Variants in MTA3 observed in about 807,000 individuals in gnomAD.
MTA3 encodes the protein metastasis-associated protein MTA3.
MTA3 carries 34 observed loss-of-function variants against 83.5 expected under a neutral mutation model. The observed-to-expected ratio is 0.41, with a 90% CI of 0.31 to 0.54. The LOEUF (loss-of-function observed/expected upper bound fraction) is 0.54. MTA3 is among the 20% of genes least tolerant of loss of function. The pLI is 0.33. For missense variants in MTA3, 761 were observed against 726.4 expected (o/e 1.05, Z -0.55); for synonymous variants, 303 against 252.7 (o/e 1.20, Z -1.89).
At chr2:42,579,283 G>A (rs1679360847) in intron 3 of MTA3, 83 bp downstream of exon 3, 2 of 982,474 alleles carry the variant, frequency 2.0e-6, no homozygotes, top group Non-Finnish European at 3.0e-6. Context: ...TTTCTTACCT[G>A]AAGTCTTTTG....
chr2:42,532,820 C>A (rs962403356), intron 2 of MTA3: 6 of 410,564 alleles, frequency 1.5e-5, no homozygotes, highest in Non-Finnish European at 2.4e-5. Flanking sequence ...CATTGGTTCT[C>A]TCACAGTGTG....
chr2:42,628,172 G>A (rs1051793711), intron 4 of MTA3, among the ~76,000 whole-genome samples: 4 of 151,802 alleles, frequency 2.6e-5, no homozygotes, highest in Non-Finnish European at 4.4e-5. Context: ...TTGAGCCACC[G>A]TGCCCGGCGG....
At chr2:42,674,526 C>T (rs947394421) in intron 8 of MTA3, among the ~76,000 whole-genome samples, 2 of 151,622 alleles carry the variant, frequency 1.3e-5, no homozygotes, top group African/African-American at 2.4e-5. Flanking sequence ...ATTGGTATCT[C>T]TATTGAAAAC....
At chr2:42,696,712 C>T (rs1047384206) in intron 10 of MTA3, among the ~76,000 whole-genome samples, 9 of 151,978 alleles carry the variant, frequency 5.9e-5, no homozygotes, top group African/African-American at 2.2e-4. Flanking sequence ...CATGTCCAGC[C>T]TGGGCAACAT....
intron 3 of MTA3, among the ~76,000 whole-genome samples, chr2:42,608,523 C>A (rs911320432): frequency 2.6e-5 from 4 of 152,172 alleles, no homozygotes; most frequent in African/African-American, 4.8e-5. Flanking sequence ...CTGATACTTA[C>A]TCCATTCATT....
intron 4 of MTA3, among the ~76,000 whole-genome samples, chr2:42,626,757 T>G (rs140224641): frequency 2.0e-5 from 3 of 152,326 alleles, no homozygotes; most frequent in African/African-American, 7.2e-5. Context: ...TTAATTTTTT[T>G]TTAGACAGAG....
chr2:42,582,214 C>T (rs569598239), intron 3 of MTA3, among the ~76,000 whole-genome samples: 117 of 152,238 alleles, frequency 7.7e-4, no homozygotes, highest in Non-Finnish European at 1.2e-3. Flanking sequence ...CCTGCCACCA[C>T]GCCCGGCTAA....
intron 8 of MTA3, among the ~76,000 whole-genome samples, chr2:42,670,634 G>A (rs1179069933): frequency 6.6e-6 from 1 of 151,946 alleles, no homozygotes; most frequent in Non-Finnish European, 1.5e-5. Context: ...CCTTCTGATT[G>A]GTTGCTGTGA....
At chr2:42,744,317 TG>T (rs1669249784) in intron 16 of MTA3, among the ~76,000 whole-genome samples, 1 of 152,200 alleles carries the variant, frequency 6.6e-6, no homozygotes, top group Non-Finnish European at 1.5e-5. Flanking sequence ...GGACCATTCC[TG>T]GGTTTACTAA....
chr2:42,665,396 AAAG>A (rs1223945846), intron 8 of MTA3, among the ~76,000 whole-genome samples: 2 of 10,334 alleles, frequency 1.9e-4, no homozygotes, highest in Non-Finnish European at 1.6e-4. Context: ...CTCTCAAAAA[AAAG>A]AAAGAAAGAA....
At chr2:42,548,500 A>G (rs1265065167) in intron 2 of MTA3, among the ~76,000 whole-genome samples, 2 of 151,128 alleles carry the variant, frequency 1.3e-5, no homozygotes, top group Non-Finnish European at 2.9e-5. Context: ...TAAAATGCAA[A>G]TATTAAATGG....
chr2:42,659,491 C>G, intron 7 of MTA3: 5 of 172,842 alleles, frequency 2.9e-5, no homozygotes, highest in Non-Finnish European at 4.9e-5. Flanking sequence ...TATAACAGAG[C>G]TTCCCTTTCC....
rs1396012648 is a variant in MTA3 at position 42,755,820 on chromosome 2, C to G, written c.*2421C>G. On this transcript the variant is annotated 3_prime_UTR_variant, in exon 17 of 17. Transcript: ENST00000405094. ...ACGTGCAGAGACTGTCTGCGCAGCC[C>G]CCAGCAGACATGCCCCTGGGGTGAG... 1 of 985,416 alleles carries G rather than the reference C, an allele frequency of 1.0e-6. No homozygotes were observed. The highest frequency in any genetic ancestry group is 1.7e-5 in the African/African-American group (1 of 57,238). 61.0% of individuals were successfully genotyped at this position (985,416 alleles called of 1,614,324 possible).
In MTA3 at chr2:42,707,305, G is replaced by A. The variant is rs113111891; in HGVS notation, c.1151-598G>A. 3.9e-3 allele frequency among the ~76,000 whole-genome samples: 597 copies of A among 151,578 alleles called. 3 individuals are homozygous for A. Among genetic ancestry groups the A allele is most frequent in the African/African-American group, 0.012 (500 of 41,284 alleles). On this transcript the variant is annotated intron_variant, in intron 12 of 16. Transcript: ENST00000405094. ...GTCGCCCAGGCTGGAGTGCAGTGGCGTGATCTCAGCTCACTGTAACCTCTG... is the reference window on the plus strand; with the variant it reads ...GTCGCCCAGGCTGGAGTGCAGTGGCATGATCTCAGCTCACTGTAACCTCTG...
chr2:42,721,850 G>A (rs913091351), intron 15 of MTA3, among the ~76,000 whole-genome samples: 1 of 152,084 alleles, frequency 6.6e-6, no homozygotes, highest in Non-Finnish European at 1.5e-5. Flanking sequence ...GACTGTGGAG[G>A]TTAAATGAAA....
At chr2:42,683,640 G>C (rs1252346159) in intron 9 of MTA3, among the ~76,000 whole-genome samples, 1 of 152,196 alleles carries the variant, frequency 6.6e-6, no homozygotes, top group Non-Finnish European at 1.5e-5. Flanking sequence ...GGTAATGGGA[G>C]ATAGTGATAG....
At chr2:42,650,120 C>T (rs1029125462) in intron 6 of MTA3, among the ~76,000 whole-genome samples, 13 of 152,048 alleles carry the variant, frequency 8.5e-5, no homozygotes, top group Non-Finnish European at 1.5e-4. Context: ...AACACTGACC[C>T]GTAAGAATTG....
intron 2 of MTA3, among the ~76,000 whole-genome samples, chr2:42,554,790 C>T (rs1410049226): frequency 6.6e-6 from 1 of 152,140 alleles, no homozygotes; most frequent in Non-Finnish European, 1.5e-5. Context: ...AGGTGGAGGT[C>T]AGCTTCCTGA....
intron 16 of MTA3, among the ~76,000 whole-genome samples, chr2:42,729,085 A>ATTT (rs1668031575): frequency 6.2e-5 from 1 of 16,024 alleles, no homozygotes; most frequent in Non-Finnish European, 1.2e-4. Context: ...TCACAGTTTG[A>ATTT]GTTTTTTTTT....
Sources: gnomAD v4.1 joint callset for allele counts (sites outside exome capture counted in the v4.1 genomes callset) on GRCh38, gnomAD v4.1.1 for gene constraint, MANE v1.5 for transcripts, NCBI Gene and HGNC (gene_info 2026-07-23, HGNC 2026-07-21) for gene names.